The following MADD variants were observed in gnomAD, a reference collection of about 807,000 sequenced individuals.
MADD encodes the protein MAP kinase-activating death domain protein.
In MADD, 109 loss-of-function variants were observed where a neutral mutation model predicts 176.7. The observed-to-expected ratio is 0.62, with a 90% CI of 0.53 to 0.72. The LOEUF is 0.72. Among genes scored for constraint, MADD ranks in the 30% least tolerant of loss-of-function variants. The pLI is 0.00. For missense variants in MADD, 1,914 were observed against 2,045.5 expected (o/e 0.94, Z 1.24); for synonymous variants, 771 against 771.3 (o/e 1.00, Z 0.01).
intron 16 of MADD, 84 bp downstream of exon 17, chr11:47,289,577 G>A (rs1200226853): frequency 7.0e-6 from 8 of 1,141,124 alleles, no homozygotes; most frequent in Non-Finnish European, 1.1e-5. Context: ...GCTCAAGAGT[G>A]GGAGAGAAGC....
chr11:47,274,997 G>T (rs763524041), exon 3 of MADD: 1 of 1,614,212 alleles, frequency 6.2e-7, no homozygotes, highest in Non-Finnish European at 8.5e-7. Context: ...GCCAAGGCGG[G>T]GAGCCGCTCC....
chr11:47,280,721 T>C (rs544281932), intron 7 of MADD, among the ~76,000 whole-genome samples: 36 of 152,262 alleles, frequency 2.4e-4, no homozygotes, highest in African/African-American at 8.7e-4. Flanking sequence ...CACACCACTG[T>C]GCCCAGCTAA....
intron 28 of MADD, 184 bp downstream of exon 31, chr11:47,324,019 T>C (rs1412569863): frequency 1.5e-6 from 1 of 679,834 alleles, no homozygotes; most frequent in East Asian, 2.7e-5. Flanking sequence ...TCACAATCGG[T>C]ATTAACCAAC....
chr11:47,301,099 T>A (rs910190206), intron 22 of MADD, among the ~76,000 whole-genome samples: 22 of 151,982 alleles, frequency 1.4e-4, no homozygotes, highest in African/African-American at 5.1e-4. Context: ...GATGAACTTT[T>A]CATTTTGTTG....
At chr11:47,278,041 T>A in intron 5 of MADD, 124 bp from the exon 6 acceptor site, 1 of 710,216 alleles carries the variant, frequency 1.4e-6, no homozygotes, top group South Asian at 1.6e-5. Context: ...TTCAAATACA[T>A]CTGGCCTCAA....
intron 31 of MADD, chr11:47,327,247 A>G (rs892911759): frequency 5.2e-5 from 52 of 994,826 alleles, no homozygotes; most frequent in Admixed American, 5.6e-5. Context: ...GTGCCAGACA[A>G]AGGGGCACCG....
intron 30 of MADD, 123 bp downstream of exon 33, chr11:47,324,700 G>A (rs1294348556): frequency 5.3e-6 from 4 of 747,816 alleles, no homozygotes; most frequent in Admixed American, 2.0e-5. Context: ...AGGGAGAACT[G>A]GAGCAGCTGG....
At chr11:47,281,704 A>G in exon 8 of MADD, 1 of 1,613,566 alleles carries the variant, frequency 6.2e-7, no homozygotes, top group Non-Finnish European at 8.5e-7. Flanking sequence ...CACTGAATTC[A>G]ACCCACTCAT....
rs887043262 is a variant in MADD, at chr11:47,325,961, CCA to C, written c.4543-772_4543-771del. Among the ~76,000 whole-genome samples the C allele has an allele frequency of 2.0e-5, 3 of 152,324 alleles. No individual in the cohort carries two copies. The highest frequency in any genetic ancestry group is 4.8e-5 in the African/African-American group (2 of 41,574). On this transcript the variant is annotated intron_variant, in intron 30 of 32. Coordinates refer to ENST00000402192, the Ensembl canonical transcript of MADD. This position sits in a 1 kb window ranked among gnomAD's most constrained non-coding sequence, Gnocchi z 4.5. ...AGATAGCGACCTGCCCCCTATTCTG[CCA>C]CACAGTGTTCAGTTGGAGTGGAGGA...
At chr11:47,284,793 G>A (rs1294933121) in intron 12 of MADD, 148 bp from the exon 13 acceptor site, 1 of 1,278,616 alleles carries the variant, frequency 7.8e-7, no homozygotes, top group Admixed American at 2.2e-5. Flanking sequence ...TAGTTTGTGG[G>A]GACAGAGAAC....
At chr11:47,271,911 G>A (rs1964611881) in intron 1 of MADD, 1 of 152,140 alleles carries the variant, frequency 6.6e-6, no homozygotes, top group African/African-American at 2.4e-5. Context: ...TGACTCTATT[G>A]CAGTTGGGAG....
At chr11:47,282,611 A>G in exon 9 of MADD, 1 of 1,614,066 alleles carries the variant, frequency 6.2e-7, no homozygotes, top group Non-Finnish European at 8.5e-7. Flanking sequence ...CAGCGAATTC[A>G]CAACAGTGAG....
chr11:47,328,244 A>G, intron 31 of MADD: 1 of 1,098,614 alleles, frequency 9.1e-7, no homozygotes, highest in Non-Finnish European at 1.1e-6. Context: ...CGGGTGTCTC[A>G]GCAAAGTTGG....
At chr11:47,282,311 T>C (rs2057544764) in intron 8 of MADD, 70 bp from the exon 9 acceptor site, 2 of 1,303,420 alleles carry the variant, frequency 1.5e-6, no homozygotes, top group Admixed American at 1.7e-5. Flanking sequence ...TTGGGAGGTG[T>C]TCTAAGACTT....
intron 27 of MADD, among the ~76,000 whole-genome samples, chr11:47,316,982 G>A (rs1594999477): frequency 1.3e-5 from 2 of 152,174 alleles, no homozygotes; most frequent in African/African-American, 4.8e-5. Context: ...GACCTCAAGT[G>A]ATCTGCCCAC....
exon 9 of MADD, chr11:47,282,574 A>G: frequency 6.2e-7 from 1 of 1,614,064 alleles, no homozygotes; most frequent in Non-Finnish European, 8.5e-7. Context: ...TGGGGAATGG[A>G]TCCTTAACCC....
At chr11:47,307,913 AC>A (rs1406964732) in intron 22 of MADD, among the ~76,000 whole-genome samples, 11 of 152,216 alleles carry the variant, frequency 7.2e-5, no homozygotes, top group Non-Finnish European at 1.3e-4. Flanking sequence ...GGTGATCCCA[AC>A]CACCTTGGCC....
chr11:47,322,591 G>A (rs560781427), intron 27 of MADD, among the ~76,000 whole-genome samples: 4 of 151,978 alleles, frequency 2.6e-5, no homozygotes, highest in Non-Finnish European at 4.4e-5. Context: ...CAGCCTGGGC[G>A]ACAGAGCGAG....
At chr11:47,305,404 T>C (rs923263483) in intron 22 of MADD, among the ~76,000 whole-genome samples, 1 of 152,132 alleles carries the variant, frequency 6.6e-6, no homozygotes, top group Non-Finnish European at 1.5e-5. Flanking sequence ...CCCAGGGGAC[T>C]GGCTCATAAC....
Sources: gnomAD v4.1 joint callset for allele counts (sites outside exome capture counted in the v4.1 genomes callset) on GRCh38, gnomAD v4.1.1 for gene constraint, Gnocchi (gnomAD v3.1) non-coding constraint, MANE v1.5 for transcripts, NCBI Gene and HGNC (gene_info 2026-07-23, HGNC 2026-07-21) for gene names.